SRPK2: variants seen among roughly 807,000 people sequenced by gnomAD.
The protein encoded by SRPK2 is SFRS protein kinase 2.
Under a neutral mutation model 90.8 loss-of-function variants are expected in SRPK2, and 21 were observed. The ratio of observed to expected loss-of-function variants is 0.23; its 90% CI spans 0.16 to 0.33. The LOEUF (loss-of-function observed/expected upper bound fraction) is 0.33, where lower values mean the gene tolerates loss of function less well. Among genes scored for constraint, SRPK2 ranks in the 10% least tolerant of loss-of-function variants. The probability of loss-of-function intolerance (pLI) is 1.00; values close to 1 mark genes in which losing one functional copy is unlikely to be tolerated. For synonymous variants in SRPK2, 288 were observed against 311.1 expected (o/e 0.93, Z 0.78); for missense variants, 620 against 869.0 (o/e 0.71, Z 3.60).
At chr7:105,115,165 C>G (rs1799554317), downstream of SRPK2, 1 of 152,094 alleles carries the variant, frequency 6.6e-6, no homozygotes, top group African/African-American at 2.4e-5. Flanking sequence ...ATACAGTCTT[C>G]TACCAAAATT....
chr7:105,329,252 A>T (rs544941004), intron 2 of SRPK2, among the ~76,000 whole-genome samples: 56 of 152,252 alleles, frequency 3.7e-4, no homozygotes, highest in African/African-American at 1.3e-3. Flanking sequence ...CTAAAATACA[A>T]ATAGATCTGA....
At chr7:105,298,902 G>T in intron 2 of SRPK2, 1 of 519,016 alleles carries the variant, frequency 1.9e-6, no homozygotes, top group Non-Finnish European at 2.5e-6. Context: ...ACTCTGTTCA[G>T]CTCAGTTAGC....
rs569588702 is a variant in SRPK2 at position 105,210,581 on chromosome 7, C to T, written c.72-6796G>A. 1.8e-3 allele frequency among the ~76,000 whole-genome samples: 273 copies of T among 152,258 alleles called. 3 individuals carry two copies. Among genetic ancestry groups the T allele is most frequent in the South Asian group, 0.016 (79 of 4,816 alleles). On this transcript the variant is annotated intron_variant, in intron 2 of 15. Coordinates refer to ENST00000393651, the MANE Select transcript of SRPK2 (RefSeq NM_182692.3). ...GTTCAAAAACTTTGTGTAAATCAAACCTAAATGTGCAATGACCCTCAATGA... is the reference window on the plus strand; with the variant it reads ...GTTCAAAAACTTTGTGTAAATCAAATCTAAATGTGCAATGACCCTCAATGA...
intron 2 of SRPK2, among the ~76,000 whole-genome samples, chr7:105,305,768 C>T (rs1417356973): frequency 6.6e-6 from 1 of 152,134 alleles, no homozygotes; most frequent in Non-Finnish European, 1.5e-5. Context: ...AATGTGCATA[C>T]ACAAAGGAGA....
At chr7:105,360,945 G>A (rs1818356210) in intron 2 of SRPK2, among the ~76,000 whole-genome samples, 1 of 152,108 alleles carries the variant, frequency 6.6e-6, no homozygotes, top group Non-Finnish European at 1.5e-5. Flanking sequence ...CTCACCACTC[G>A]AATATTCAAC....
chr7:105,202,151 A>AG (rs1795643633), intron 3 of SRPK2, among the ~76,000 whole-genome samples: 1 of 152,230 alleles, frequency 6.6e-6, no homozygotes, highest in Non-Finnish European at 1.5e-5. Context: ...AAGTACGTGC[A>AG]CCTATGAAAG....
chr7:105,324,541 T>C (rs1029444686), intron 2 of SRPK2, among the ~76,000 whole-genome samples: 1 of 152,220 alleles, frequency 6.6e-6, no homozygotes, highest in Admixed American at 6.5e-5. Flanking sequence ...ATAAGCAAAG[T>C]TGGTAGGCCC....
chr7:105,278,161 C>A (rs1680711637), intron 2 of SRPK2, among the ~76,000 whole-genome samples: 1 of 149,902 alleles, frequency 6.7e-6, no homozygotes. Context: ...ATTAAAAATA[C>A]AAAAATTAAC....
chr7:105,148,337 T>C (rs1804974339), intron 7 of SRPK2, among the ~76,000 whole-genome samples: 1 of 152,224 alleles, frequency 6.6e-6, no homozygotes, highest in Non-Finnish European at 1.5e-5. Flanking sequence ...TACAGCATTA[T>C]ACTAAAAGAA....
At chr7:105,366,361 G>T (rs1311941448) in intron 2 of SRPK2, among the ~76,000 whole-genome samples, 1 of 128,584 alleles carries the variant, frequency 7.8e-6, no homozygotes, top group Non-Finnish European at 1.6e-5. Flanking sequence ...GCATCTACAG[G>T]TATGCCTTTT....
intron 2 of SRPK2, among the ~76,000 whole-genome samples, chr7:105,295,418 T>C (rs1349595163): frequency 1.3e-5 from 2 of 152,106 alleles, no homozygotes; most frequent in Admixed American, 6.6e-5. Context: ...TTAAACTAAA[T>C]GCATTATAAA....
intron 2 of SRPK2, among the ~76,000 whole-genome samples, chr7:105,331,891 G>C (rs1814461927): frequency 6.6e-6 from 1 of 152,122 alleles, no homozygotes; most frequent in Non-Finnish European, 1.5e-5. Context: ...AGGCACAGTG[G>C]CTCAGGCCTA....
At chr7:105,263,411 GAATA>G (rs1239820148) in intron 2 of SRPK2, among the ~76,000 whole-genome samples, 3 of 151,508 alleles carry the variant, frequency 2.0e-5, no homozygotes, top group African/African-American at 7.3e-5. Context: ...TTAATAGAAT[GAATA>G]AACTGAGGTA....
At position 105,239,684 on chromosome 7, in the gene SRPK2, A is replaced by T. The variant is rs1800566848; in HGVS notation, c.72-35899T>A. ...ATCTGGTTAGACGGAGTCTGACTTA[A>T]AAATAATACTCCACAATATAAAGCA... is the stretch of plus-strand genomic sequence containing the variant. On this transcript the variant is annotated intron_variant, in intron 2 of 15. Transcript: ENST00000393651. Among the ~76,000 whole-genome samples, 2 of 152,242 alleles carry T rather than the reference A, an allele frequency of 1.3e-5. 1 individual carries two copies. The highest frequency in any genetic ancestry group is 4.1e-4 in the South Asian group (2 of 4,836).
chr7:105,368,327 G>C (rs1282058148), intron 2 of SRPK2, among the ~76,000 whole-genome samples: 1 of 152,118 alleles, frequency 6.6e-6, no homozygotes, highest in Non-Finnish European at 1.5e-5. Context: ...AAACCGTGCA[G>C]GTCCATGTGA....
chr7:105,206,222 G>T (rs1006056867), intron 2 of SRPK2, among the ~76,000 whole-genome samples: 20 of 152,186 alleles, frequency 1.3e-4, no homozygotes, highest in Non-Finnish European at 1.5e-5. Context: ...TGCTGGGGGA[G>T]GAGGGGAGTC....
At chr7:105,154,146 A>G (rs1281476674) in intron 7 of SRPK2, among the ~76,000 whole-genome samples, 1 of 152,248 alleles carries the variant, frequency 6.6e-6, no homozygotes, top group East Asian at 1.9e-4. Flanking sequence ...CTAACTGGTG[A>G]GAATTAATGA....
chr7:105,380,246 C>T (rs1044419604), intron 2 of SRPK2, among the ~76,000 whole-genome samples: 2 of 152,094 alleles, frequency 1.3e-5, no homozygotes, highest in Admixed American at 6.6e-5. Context: ...ATTCTCCCAC[C>T]TCGGACTCTG....
At chr7:105,388,492 C>A (rs1349398196) in intron 2 of SRPK2, among the ~76,000 whole-genome samples, 156 bp downstream of exon 2, 1 of 147,670 alleles carries the variant, frequency 6.8e-6, no homozygotes, top group African/African-American at 2.4e-5. Context: ...GCCCCTCCCC[C>A]CGGGCCGCCC....
Sources: allele counts gnomAD v4.1 joint callset (sites outside exome capture counted in the v4.1 genomes callset), GRCh38; gene constraint gnomAD v4.1.1; transcripts MANE v1.5; gene names NCBI Gene and HGNC (gene_info 2026-07-23, HGNC 2026-07-21).